PNPLA7: variants seen among roughly 807,000 people sequenced by gnomAD.
PNPLA7 encodes patatin-like phospholipase domain-containing protein 7.
In PNPLA7, 153 loss-of-function variants were observed where a neutral mutation model predicts 161.7. That is an observed-to-expected ratio of 0.95 (90% CI 0.83 to 1.08). The LOEUF is 1.08. Among genes scored for constraint, PNPLA7 ranks in the 50% least tolerant of loss-of-function variants. The probability of loss-of-function intolerance (pLI) is 0.00; values close to 1 mark genes in which losing one functional copy is unlikely to be tolerated. For missense variants in PNPLA7, 1,739 were observed against 1,856.6 expected (o/e 0.94, Z 1.16); for synonymous variants, 809 against 782.1 (o/e 1.03, Z -0.57).
rs1189481318 is a variant in PNPLA7 at position 137,468,647 on chromosome 9, A to T, written c.2883-1174T>A. Among the ~76,000 whole-genome samples the T allele has an allele frequency of 6.6e-6, 1 of 152,082 alleles. No homozygotes were observed. ...GGACCCGGTGGGAGGTAACTGGATC[A>T]TGGGGGCAGATTTGAGGTGGGAAGA... On this transcript the variant is annotated intron_variant, in intron 25 of 34. Transcript: ENST00000406427. The surrounding 1 kb of genome is among the most constrained non-coding windows in gnomAD (Gnocchi z 4.0).
At chr9:137,533,786 C>T (rs553287022) in intron 8 of PNPLA7, among the ~76,000 whole-genome samples, 1 of 140,248 alleles carries the variant, frequency 7.1e-6, no homozygotes, top group Admixed American at 7.1e-5. Flanking sequence ...TAGACGGGGG[C>T]ACTCCCAGAC....
chr9:137,505,542 C>T (rs1465785835), intron 14 of PNPLA7, 72 bp downstream of exon 14: 2 of 1,568,758 alleles, frequency 1.3e-6, no homozygotes, highest in Non-Finnish European at 8.7e-7. Context: ...GGAACCACTG[C>T]CCAACAGAGG....
chr9:137,474,955 A>G (rs1199438615), intron 25 of PNPLA7, among the ~76,000 whole-genome samples: 2 of 126,732 alleles, frequency 1.6e-5, no homozygotes, highest in Non-Finnish European at 3.1e-5. Flanking sequence ...TGGGAGGCGG[A>G]GCTTGCAGGG....
At position 137,499,227 on chromosome 9, in the gene PNPLA7, GACAC is replaced by G. The variant is rs890232948; in HGVS notation, c.1758-986_1758-983del. ...ACACAGGCACACCGAGACACACACAGACACACAGACACACACAGACACAAGGAGA... is the reference window on the plus strand; with the variant it reads ...ACACAGGCACACCGAGACACACACAGACAGACACACACAGACACAAGGAGA... On this transcript the variant is annotated intron_variant, in intron 16 of 34. Coordinates refer to ENST00000406427, the MANE Select transcript of PNPLA7 (RefSeq NM_001098537.3). This position sits in a 1 kb window ranked among gnomAD's most constrained non-coding sequence, Gnocchi z 5.5. Among the ~76,000 whole-genome samples the G allele has an allele frequency of 6.6e-6, 1 of 150,602 alleles. No homozygotes were observed. The highest frequency in any genetic ancestry group is 6.6e-5 in the Admixed American group (1 of 15,136).
Position 137,505,773 on chromosome 9 carries a change from G to C in PNPLA7, c.1327-13C>G, listed in dbSNP as rs369488356. 5 of 1,613,096 alleles carry C rather than the reference G, an allele frequency of 3.1e-6. No homozygotes were observed. The highest frequency in any genetic ancestry group is 4.2e-6 in the Non-Finnish European group (5 of 1,179,414). On this transcript the variant is annotated splice_polypyrimidine_tract_variant and intron_variant, in intron 13 of 34. Coordinates refer to ENST00000406427, the MANE Select transcript of PNPLA7 (RefSeq NM_001098537.3). ...CGCTTTTCCTGGACTGGAGAAGAAC[G>C]GAGATACCGGCAATTCGAAGGGATG...
rs1487520278 is a variant in PNPLA7, at chr9:137,543,064, G to C, written c.507-263C>G. Among the ~76,000 whole-genome samples, 1 of 152,192 alleles carries C rather than the reference G, an allele frequency of 6.6e-6. No homozygotes were observed. The highest frequency in any genetic ancestry group is 1.5e-5 in the Non-Finnish European group (1 of 68,030). Reference sequence around the variant, plus strand: ...ACACACACACGGGAGGAAGGCAAAGGTGGCCTCCAGGATGGTGAGCTGGGC... The same window carrying C: ...ACACACACACGGGAGGAAGGCAAAGCTGGCCTCCAGGATGGTGAGCTGGGC... On this transcript the variant is annotated intron_variant, in intron 6 of 34. Coordinates refer to ENST00000406427, the MANE Select transcript of PNPLA7 (RefSeq NM_001098537.3). This position sits in a 1 kb window ranked among gnomAD's most constrained non-coding sequence, Gnocchi z 6.9.
At chr9:137,516,518 A>G (rs1834580341) in intron 11 of PNPLA7, 12 of 985,330 alleles carry the variant, frequency 1.2e-5, no homozygotes, top group Non-Finnish European at 1.4e-5. Flanking sequence ...ACTCTAAAAT[A>G]CACTTTGAGG....
Position 137,467,585 on chromosome 9 carries a change from A to T in PNPLA7, c.2883-112T>A. The T allele has an allele frequency of 7.3e-7, 1 of 1,368,478 alleles. No individual in the cohort carries two copies. Among genetic ancestry groups the T allele is most frequent in the Non-Finnish European group, 9.9e-7 (1 of 1,011,318 alleles). 84.8% of individuals were successfully genotyped at this position (1,368,478 alleles called of 1,614,324 possible). ...AACTCCTCCACAGGCAGAGACGCTG[A>T]CGCAGAGAGGGACTCCAGATGCAGT... On this transcript the variant is annotated intron_variant, in intron 25 of 34. Coordinates refer to ENST00000406427, the MANE Select transcript of PNPLA7 (RefSeq NM_001098537.3). The surrounding 1 kb of genome is among the most constrained non-coding windows in gnomAD (Gnocchi z 5.1).
Position 137,467,177 on chromosome 9 carries a change from A to T in PNPLA7, c.3039+140T>A. The T allele has an allele frequency of 8.4e-7, 1 of 1,187,036 alleles. No individual in the cohort carries two copies. Among genetic ancestry groups the T allele is most frequent in the Non-Finnish European group, 1.1e-6 (1 of 871,224 alleles). The allele number at this position is 1,187,036 out of a possible 1,614,324, so 73.5% of individuals were successfully genotyped here. A position where few individuals can be genotyped will look rare whatever the true frequency, so the allele number is the denominator to read the frequency against. On this transcript the variant is annotated intron_variant, in intron 26 of 34. Coordinates refer to ENST00000406427, the MANE Select transcript of PNPLA7 (RefSeq NM_001098537.3). The surrounding 1 kb of genome is among the most constrained non-coding windows in gnomAD (Gnocchi z 5.1). ...GGTGCTCCTTTGCCTCACAAGCTGC[A>T]CTGGGAGGCTTCAGGGGGTAGCCTC...
chr9:137,543,911 C>T lies in PNPLA7; in HGVS notation c.274-96G>A. 1 of 998,888 alleles carries T rather than the reference C, an allele frequency of 1.0e-6. No individual in the cohort carries two copies. Among genetic ancestry groups the T allele is most frequent in the Non-Finnish European group, 1.6e-6 (1 of 637,470 alleles). 61.9% of individuals were successfully genotyped at this position (998,888 alleles called of 1,614,324 possible). A position where few individuals can be genotyped will look rare whatever the true frequency, so the allele number is the denominator to read the frequency against. On this transcript the variant is annotated intron_variant, in intron 4 of 34. Transcript: ENST00000406427. The surrounding 1 kb of genome is among the most constrained non-coding windows in gnomAD (Gnocchi z 6.9). ...TCAGTCCTCAGGACCTGCCTGTGGGCCTCCCACAGTCCCAGCTTCAGCTCC... is the reference window on the plus strand; with the variant it reads ...TCAGTCCTCAGGACCTGCCTGTGGGTCTCCCACAGTCCCAGCTTCAGCTCC...
rs905677301 is a variant in PNPLA7, at chr9:137,531,951, G to C, written c.747+8691C>G. ...TGCTGTGTCATGCCTACTTGTTTTA[G>C]AGACAGGGTCCTGCTATGTTGTCTG... On this transcript the variant is annotated intron_variant, in intron 8 of 34. Coordinates refer to ENST00000406427, the MANE Select transcript of PNPLA7 (RefSeq NM_001098537.3). Among the ~76,000 whole-genome samples the C allele has an allele frequency of 1.3e-5, 2 of 152,134 alleles. 1 individual carries two copies. Among genetic ancestry groups the C allele is most frequent in the South Asian group, 4.1e-4 (2 of 4,822 alleles).
Position 137,540,937 on chromosome 9 carries a change from C to A in PNPLA7, c.667-215G>T, listed in dbSNP as rs543040928. 3 of 523,516 alleles carry A rather than the reference C, an allele frequency of 5.7e-6. No homozygotes were observed. In the South Asian group the frequency reaches 6.3e-5, roughly 11 times the overall value. 32.4% of individuals were successfully genotyped at this position (523,516 alleles called of 1,614,324 possible). A position where few individuals can be genotyped will look rare whatever the true frequency, so the allele number is the denominator to read the frequency against. Reference sequence around the variant, plus strand: ...AGGAAGCGGCAGCAAGGAAAACAGACGGAGGAGACCCCACCTCTCCATCCC... The same window carrying A: ...AGGAAGCGGCAGCAAGGAAAACAGAAGGAGGAGACCCCACCTCTCCATCCC... On this transcript the variant is annotated intron_variant, in intron 7 of 34. Coordinates refer to ENST00000406427, the MANE Select transcript of PNPLA7 (RefSeq NM_001098537.3). The surrounding 1 kb of genome is among the most constrained non-coding windows in gnomAD (Gnocchi z 5.1).
At position 137,460,335 on chromosome 9, in the gene PNPLA7, T is replaced by G. The variant is rs1831112141; in HGVS notation, c.*58A>C. On this transcript the variant is annotated 3_prime_UTR_variant, in exon 35 of 35. Transcript: ENST00000406427. ...AGGCCCCTAGGACTTGGCAGGAGCC[T>G]CAGCCTTGGGGACAGTCCCACGGAA... 2 of 1,534,766 alleles carry G rather than the reference T, an allele frequency of 1.3e-6. No individual in the cohort carries two copies. The highest frequency in any genetic ancestry group is 1.8e-6 in the Non-Finnish European group (2 of 1,123,890).
Position 137,486,417 on chromosome 9 carries a change from C to T in PNPLA7, c.2198-1681G>A, listed in dbSNP as rs1021270802. Among the ~76,000 whole-genome samples the T allele has an allele frequency of 3.9e-5, 6 of 152,182 alleles. No homozygotes were observed. Among genetic ancestry groups the T allele is most frequent in the Non-Finnish European group, 5.9e-5 (4 of 68,030 alleles). On this transcript the variant is annotated intron_variant, in intron 20 of 34. Coordinates refer to ENST00000406427, the MANE Select transcript of PNPLA7 (RefSeq NM_001098537.3). The surrounding 1 kb of genome is among the most constrained non-coding windows in gnomAD (Gnocchi z 6.0). ...GTGCTCACAGGAAAATAGCTGATGA[C>T]GTGCTGCTGAGCAGGAAAGCTGCAG... is the stretch of plus-strand genomic sequence containing the variant.
In PNPLA7 at chr9:137,503,148, G is replaced by A. The variant is rs149139239; in HGVS notation, c.1474-1421C>T. Among the ~76,000 whole-genome samples, 708 of 152,114 alleles carry A rather than the reference G, an allele frequency of 4.7e-3. 4 individuals are homozygous for A. The highest frequency in any genetic ancestry group is 0.014 in the African/African-American group (573 of 41,456). Reference sequence around the variant, plus strand: ...TGTAATCCCAGAATTTTTGGAGGCCGAGGCAGGTAGATCACTAGAGGCTAG... The same window carrying A: ...TGTAATCCCAGAATTTTTGGAGGCCAAGGCAGGTAGATCACTAGAGGCTAG... On this transcript the variant is annotated intron_variant, in intron 14 of 34. Coordinates refer to ENST00000406427, the MANE Select transcript of PNPLA7 (RefSeq NM_001098537.3).
chr9:137,485,256 G>A (rs1832417380), intron 20 of PNPLA7, among the ~76,000 whole-genome samples: 2 of 152,272 alleles, frequency 1.3e-5, no homozygotes, highest in African/African-American at 4.8e-5. Flanking sequence ...GCGACTGAAA[G>A]GAATGTGAGG....
In PNPLA7 at chr9:137,550,366, G is replaced by A. The variant is rs1361460048; in HGVS notation, c.-169C>T. 1.3e-6 allele frequency: 1 copy of A among 742,118 alleles called. No homozygotes were observed. Among genetic ancestry groups the A allele is most frequent in the East Asian group, 2.7e-5 (1 of 37,132 alleles). The allele number at this position is 742,118 out of a possible 1,614,324, so 46.0% of individuals were successfully genotyped here. ...TCCTGCTGAAAAAGTCTGTTCTCCA[G>A]GAAGAAAAGCTGTCTTTTGAGAAGT... On this transcript the variant is annotated 5_prime_UTR_variant, in exon 1 of 35. Transcript: ENST00000406427.
intron 20 of PNPLA7, among the ~76,000 whole-genome samples, 196 bp downstream of exon 20, chr9:137,492,817 C>T (rs1220801614): frequency 1.6e-5 from 1 of 61,490 alleles, no homozygotes; most frequent in Non-Finnish European, 3.2e-5. Flanking sequence ...GGGTGGGCTA[C>T]GGCTCTGGGA....
chr9:137,543,702 T>C lies in PNPLA7; in HGVS notation c.365+22A>G, dbSNP rs763021962. 2.4e-5 allele frequency: 38 copies of C among 1,613,124 alleles called. No individual in the cohort carries two copies. In the African/African-American group the frequency reaches 4.3e-4, roughly 18 times the overall value. Reference sequence around the variant, plus strand: ...CATGGGGGGCACCTGGGGCAGGATGTGGTCTGAAGGACACACAGTACCTCT... The same window carrying C: ...CATGGGGGGCACCTGGGGCAGGATGCGGTCTGAAGGACACACAGTACCTCT... On this transcript the variant is annotated intron_variant, in intron 5 of 34. Transcript: ENST00000406427. The surrounding 1 kb of genome is among the most constrained non-coding windows in gnomAD (Gnocchi z 6.9).
Sources: allele counts gnomAD v4.1 joint callset (sites outside exome capture counted in the v4.1 genomes callset), GRCh38; gene constraint gnomAD v4.1.1; non-coding constraint Gnocchi (gnomAD v3.1); transcripts MANE v1.5; gene names NCBI Gene and HGNC (gene_info 2026-07-23, HGNC 2026-07-21).